Variants in CCDC40 observed in about 807,000 individuals in gnomAD.
CCDC40 encodes coiled-coil domain-containing protein 40.
Under a neutral mutation model 124.5 loss-of-function variants are expected in CCDC40, and 104 were observed. The observed-to-expected ratio is 0.84, with a 90% CI of 0.71 to 0.98. The LOEUF (loss-of-function observed/expected upper bound fraction) is 0.98. Among genes scored for constraint, CCDC40 ranks in the 50% least tolerant of loss-of-function variants. The probability of loss-of-function intolerance (pLI) is 0.00; values close to 1 mark genes in which losing one functional copy is unlikely to be tolerated. For synonymous variants in CCDC40, 580 were observed against 602.9 expected, an observed-to-expected ratio of 0.96 and a Z score of 0.56; for missense variants, 1,463 against 1,503.9, an observed-to-expected ratio of 0.97 and a Z score of 0.45.
At chr17:80,089,559 C>G in intron 16 of CCDC40, 1 of 467,354 alleles carries the variant, frequency 2.1e-6, no homozygotes. Context: ...CTCCCTCCCT[C>G]CCCCTGTATG....
intron 16 of CCDC40, chr17:80,089,550 T>TCCCCCC: frequency 1.6e-5 from 5 of 305,590 alleles, no homozygotes; most frequent in Non-Finnish European, 2.5e-5. Flanking sequence ...CACCCCCATC[T>TCCCCCC]CCCTCCCTCC....
chr17:80,089,794 C>A lies in CCDC40; in HGVS notation c.2742C>A (p.Ile914=), dbSNP rs1378974009. The part of the protein sequence containing the change: ...EHQIMLWEKK[I]QLAKEMRSSV... Reference sequence around the variant, plus strand: ...AGATTATGCTTTGGGAGAAAAAAATCCAACTGGCAAAAGAGATGCGTTCCT... The same window carrying A: ...AGATTATGCTTTGGGAGAAAAAAATACAACTGGCAAAAGAGATGCGTTCCT... Residue 914 remains isoleucine, a synonymous_variant, in exon 17 of 20, where the codon ATC becomes ATA. Transcript: ENST00000397545. 6.2e-7 allele frequency: 1 copy of A among 1,614,112 alleles called. No individual in the cohort carries two copies. Among genetic ancestry groups the A allele is most frequent in the Admixed American group, 1.7e-5 (1 of 60,000 alleles).
chr17:80,052,053 G>A (rs1275958687), intron 7 of CCDC40, among the ~76,000 whole-genome samples: 1 of 152,244 alleles, frequency 6.6e-6, no homozygotes, highest in Non-Finnish European at 1.5e-5. Flanking sequence ...CTGACCGGGG[G>A]GCAGCCACCA....
Position 80,066,364 on chromosome 17 carries a change from T to C in CCDC40, c.1562+758T>C, listed in dbSNP as rs8076516. 147,208 of 570,372 alleles carry C rather than the reference T, an allele frequency of 0.26. 20,864 individuals carry two copies. The highest frequency in any genetic ancestry group is 0.36 in the Middle Eastern group (1,048 of 2,886). The allele number at this position is 570,372 out of a possible 1,614,324, so 35.3% of individuals were successfully genotyped here. A position where few individuals can be genotyped will look rare whatever the true frequency, so the allele number is the denominator to read the frequency against. ...GCAGTCACACAACCAGGAGATGCTT[T>C]TCCTTTTGGGTGCTGTGATTAAAGA... On this transcript the variant is annotated intron_variant, in intron 10 of 19. Transcript: ENST00000397545. The surrounding 1 kb of genome is among the most constrained non-coding windows in gnomAD (Gnocchi z 4.4).
intron 17 of CCDC40, among the ~76,000 whole-genome samples, chr17:80,093,969 AGT>A (rs1481068407): frequency 6.6e-6 from 1 of 152,084 alleles, no homozygotes; most frequent in African/African-American, 2.4e-5. Flanking sequence ...AGTGTTTCTT[AGT>A]GTGGCTCCAA....
intron 17 of CCDC40, among the ~76,000 whole-genome samples, chr17:80,092,750 A>G (rs933490604): frequency 2.9e-4 from 44 of 152,248 alleles, no homozygotes; most frequent in Non-Finnish European, 1.3e-4. Context: ...TGCTGGGATT[A>G]CGGGCACACA....
chr17:80,078,837 C>T lies in CCDC40; in HGVS notation c.1563-2709C>T, dbSNP rs1037600093. Among the ~76,000 whole-genome samples, 5 of 151,532 alleles carry T rather than the reference C, an allele frequency of 3.3e-5. No homozygotes were observed. In the East Asian group the frequency reaches 5.8e-4, roughly 18 times the overall value. On this transcript the variant is annotated intron_variant, in intron 10 of 19. Coordinates refer to ENST00000397545, the MANE Select transcript of CCDC40 (RefSeq NM_017950.4). ...GCCTTCTGGGATGTAACTGAAATTA[C>T]ATTGAATCCATAGATCAGTTTGAAG... is the stretch of plus-strand genomic sequence containing the variant.
At position 80,089,903 on chromosome 17, in the gene CCDC40, C is replaced by T. The variant is rs550231495; in HGVS notation, c.2832+19C>T. ...GATGAAGGTGAGGGGAGGAGAGCGG[C>T]GTGGCAGGGCCTGCTGGGTGCCAGC... is the stretch of plus-strand genomic sequence containing the variant. On this transcript the variant is annotated intron_variant, in intron 17 of 19. Transcript: ENST00000397545. The T allele has an allele frequency of 6.8e-6, 11 of 1,613,424 alleles. No homozygotes were observed. Among genetic ancestry groups the T allele is most frequent in the Admixed American group, 5.0e-5 (3 of 59,976 alleles).
rs974593259 is a variant in CCDC40, at chr17:80,071,321, G to A, written c.1562+5715G>A. On this transcript the variant is annotated intron_variant, in intron 10 of 19. Transcript: ENST00000397545. ...GCCCCTTTACCCCAAGATGTGACTC[G>A]GTCAGCCACACGGCCTCACAGCCTC... Among the ~76,000 whole-genome samples the A allele has an allele frequency of 6.6e-5, 10 of 152,280 alleles. No homozygotes were observed. In the South Asian group the frequency reaches 8.3e-4, roughly 13 times the overall value.
chr17:80,090,696 C>T, intron 17 of CCDC40: 1 of 1,423,642 alleles, frequency 7.0e-7, no homozygotes, highest in African/African-American at 1.4e-5. Flanking sequence ...AATTAGATTT[C>T]ATTGCCTTTA....
At chr17:80,057,340 G>A (rs764844577) in intron 7 of CCDC40, among the ~76,000 whole-genome samples, 18 of 151,868 alleles carry the variant, frequency 1.2e-4, no homozygotes, top group Admixed American at 5.2e-4. Flanking sequence ...CGCCCACCTC[G>A]GCCTCTCAAA....
intron 13 of CCDC40, among the ~76,000 whole-genome samples, chr17:80,085,642 T>C (rs1056694471): frequency 1.3e-5 from 2 of 150,538 alleles, no homozygotes; most frequent in Admixed American, 1.3e-4. Flanking sequence ...ACAAAGACCT[T>C]TGAGCCCAAG....
At chr17:80,050,029 G>A (rs1305593525) in intron 6 of CCDC40, 35 bp from the exon 7 acceptor site, 1 of 1,613,628 alleles carries the variant, frequency 6.2e-7, no homozygotes, top group South Asian at 1.1e-5. Flanking sequence ...TCGGATGCCT[G>A]CGTCCTGGTG....
intron 13 of CCDC40, among the ~76,000 whole-genome samples, chr17:80,085,666 CT>C (rs5822324): frequency 0.075 from 8,236 of 109,770 alleles, 338 homozygotes; most frequent in African/African-American, 0.15. Context: ...GCTAATTTTG[CT>C]TTTTTTTTTT....
chr17:80,080,863 A>G (rs2038430677), intron 10 of CCDC40, among the ~76,000 whole-genome samples: 1 of 152,216 alleles, frequency 6.6e-6, no homozygotes, highest in South Asian at 2.1e-4. Context: ...AGCATGTCAC[A>G]GTGACTACAG....
At chr17:80,055,213 T>C (rs2037707254) in intron 7 of CCDC40, among the ~76,000 whole-genome samples, 1 of 152,114 alleles carries the variant, frequency 6.6e-6, no homozygotes, top group Non-Finnish European at 1.5e-5. Context: ...CCCCAGACTG[T>C]TTTGGAGGCT....
intron 3 of CCDC40, among the ~76,000 whole-genome samples, chr17:80,045,284 G>A (rs959686811): frequency 6.6e-6 from 1 of 152,218 alleles, no homozygotes; most frequent in South Asian, 2.1e-4. Flanking sequence ...AGGGTGGCAT[G>A]AGATGAGCTT....
In CCDC40 at chr17:80,086,529, AAC is replaced by A. The variant is rs1310499243; in HGVS notation, c.2449+316_2449+317del. The A allele has an allele frequency of 2.7e-6, 1 of 365,272 alleles. No homozygotes were observed. The allele number at this position is 365,272 out of a possible 1,614,324, so 22.6% of individuals were successfully genotyped here. A position where few individuals can be genotyped will look rare whatever the true frequency, so the allele number is the denominator to read the frequency against. ...CGCCAAGCCAGGGCACTCAGGTGGA[AAC>A]ACTGGCACGGGAAAAGCCAGGGTCC... On this transcript the variant is annotated intron_variant, in intron 14 of 19. Transcript: ENST00000397545. The surrounding 1 kb of genome is among the most constrained non-coding windows in gnomAD (Gnocchi z 5.5).
At chr17:80,097,431 G>A (rs757921207) in intron 19 of CCDC40, 28 bp downstream of exon 19, 2 of 1,612,774 alleles carry the variant, frequency 1.2e-6, no homozygotes, top group Non-Finnish European at 1.7e-6. Flanking sequence ...GGTCCCTGGG[G>A]ATGACGGCCA....
Sources: gnomAD v4.1 joint callset for allele counts (sites outside exome capture counted in the v4.1 genomes callset) on GRCh38, gnomAD v4.1.1 for gene constraint, Gnocchi (gnomAD v3.1) non-coding constraint, MANE v1.5 for transcripts, NCBI Gene and HGNC (gene_info 2026-07-23, HGNC 2026-07-21) for gene names.